The following FRMD5 variants were observed in gnomAD, a reference collection of about 807,000 sequenced individuals.
FRMD5 encodes FERM domain containing 5, also known as FERM domain-containing protein 5.
Under a neutral mutation model 69.0 loss-of-function variants are expected in FRMD5, and 20 were observed. That is an observed-to-expected ratio of 0.29 (90% confidence interval 0.20 to 0.42). FRMD5 has a LOEUF of 0.42. FRMD5 is among the 10% of genes least tolerant of loss of function. FRMD5 has a pLI of 1.00. For missense variants in FRMD5, 595 were observed against 708.6 expected (o/e 0.84, Z 1.82); for synonymous variants, 271 against 260.1 (o/e 1.04, Z -0.40).
intron 1 of FRMD5, among the ~76,000 whole-genome samples, chr15:43,996,573 T>G (rs921629389): frequency 1.3e-5 from 2 of 152,114 alleles, no homozygotes; most frequent in Admixed American, 6.6e-5. Flanking sequence ...TTTACATTGA[T>G]ATTTCTGTGA....
intron 1 of FRMD5, among the ~76,000 whole-genome samples, chr15:44,154,502 T>C (rs1480678835): frequency 6.6e-6 from 1 of 152,210 alleles, no homozygotes; most frequent in Admixed American, 6.5e-5. Context: ...TTTAATCCTA[T>C]GCAACAGTAT....
chr15:44,028,442 T>C (rs1472122281), intron 1 of FRMD5, among the ~76,000 whole-genome samples: 1 of 152,214 alleles, frequency 6.6e-6, no homozygotes, highest in Non-Finnish European at 1.5e-5. Context: ...AAGTGCCCAC[T>C]CCTTCTTCAT....
chr15:44,089,557 G>A (rs1478262301), intron 1 of FRMD5, among the ~76,000 whole-genome samples: 2 of 152,016 alleles, frequency 1.3e-5, no homozygotes, highest in African/African-American at 4.8e-5. Context: ...ACAAAAATTG[G>A]CCGGGCATGG....
chr15:44,162,319 C>T (rs1350988941), intron 1 of FRMD5, among the ~76,000 whole-genome samples: 1 of 145,710 alleles, frequency 6.9e-6, no homozygotes, highest in East Asian at 2.0e-4. Flanking sequence ...CCAGGCTGGT[C>T]TCAAACTCCT....
At chr15:43,875,789 G>A (rs1330093560) in intron 13 of FRMD5, 2 of 582,972 alleles carry the variant, frequency 3.4e-6, no homozygotes, top group African/African-American at 4.2e-5. Flanking sequence ...TCTTGCCTTT[G>A]GTGTCCTGGG....
At chr15:44,088,318 T>G (rs1047848771) in intron 1 of FRMD5, among the ~76,000 whole-genome samples, 1 of 152,144 alleles carries the variant, frequency 6.6e-6, no homozygotes, top group Non-Finnish European at 1.5e-5. Flanking sequence ...ATTAACTCTC[T>G]CCCCACCAGC....
chr15:43,966,445 TAA>T (rs1472298323), intron 1 of FRMD5, among the ~76,000 whole-genome samples: 1 of 152,064 alleles, frequency 6.6e-6, no homozygotes, highest in Non-Finnish European at 1.5e-5. Flanking sequence ...ACAATAGGGA[TAA>T]TTAACTGCTT....
At chr15:43,923,841 C>G (rs567901879) in intron 2 of FRMD5, among the ~76,000 whole-genome samples, 1 of 152,196 alleles carries the variant, frequency 6.6e-6, no homozygotes, top group Non-Finnish European at 1.5e-5. Context: ...TTTGGTGAGG[C>G]CTTTCCTAAC....
upstream of FRMD5, among the ~76,000 whole-genome samples, chr15:44,196,731 ATTCTCTCTCTCTCTCTCTCT>A (rs1270313526): frequency 5.8e-5 from 4 of 68,418 alleles, no homozygotes; most frequent in African/African-American, 2.2e-4. Flanking sequence ...ATTCTCTTTC[ATTCTCTCTCTCTCTCTCTCT>A]TTCTCTCTCT....
intron 1 of FRMD5, among the ~76,000 whole-genome samples, chr15:44,098,048 G>C (rs1327822423): frequency 6.9e-6 from 1 of 145,874 alleles, no homozygotes; most frequent in Non-Finnish European, 1.5e-5. Flanking sequence ...ATGTGCATCA[G>C]CAAGAGCCAA....
intron 1 of FRMD5, among the ~76,000 whole-genome samples, chr15:44,037,131 C>A (rs900509179): frequency 6.6e-6 from 1 of 152,082 alleles, no homozygotes; most frequent in Non-Finnish European, 1.5e-5. Context: ...TGCTATCCCT[C>A]CCCTAGCTCC....
At chr15:43,895,793 C>T (rs524908) in intron 7 of FRMD5, among the ~76,000 whole-genome samples, 1 of 151,898 alleles carries the variant, frequency 6.6e-6, no homozygotes, top group Admixed American at 6.6e-5. Context: ...GGAAGGGACT[C>T]GAATTACAGT....
At chr15:44,021,531 C>T (rs562779104) in intron 1 of FRMD5, among the ~76,000 whole-genome samples, 2 of 152,160 alleles carry the variant, frequency 1.3e-5, no homozygotes, top group East Asian at 1.9e-4. Context: ...ATACAAATTG[C>T]CAGCCAGTGA....
intron 1 of FRMD5, among the ~76,000 whole-genome samples, chr15:43,967,383 C>A (rs953243446): frequency 2.6e-5 from 4 of 151,968 alleles, no homozygotes; most frequent in African/African-American, 9.7e-5. Context: ...TAGGCATGTG[C>A]CACCACGCCT....
intron 4 of FRMD5, chr15:43,919,075 T>A: frequency 3.0e-6 from 1 of 330,424 alleles, no homozygotes; most frequent in African/African-American, 2.2e-5. Context: ...ATTTTCCAAG[T>A]ATATCCATTA....
intron 1 of FRMD5, among the ~76,000 whole-genome samples, chr15:44,120,054 T>C (rs1281224799): frequency 1.3e-5 from 2 of 152,082 alleles, no homozygotes; most frequent in African/African-American, 4.8e-5. Context: ...GACTGGAGCA[T>C]AGAACACCTG....
At chr15:44,151,928 G>A (rs1232165645) in intron 1 of FRMD5, among the ~76,000 whole-genome samples, 1 of 152,220 alleles carries the variant, frequency 6.6e-6, no homozygotes, top group Admixed American at 6.5e-5. Flanking sequence ...GCAAAGGCCA[G>A]GCCAGGCGCG....
intron 1 of FRMD5, among the ~76,000 whole-genome samples, chr15:44,174,077 T>C (rs1286865284): frequency 6.6e-6 from 1 of 152,116 alleles, no homozygotes; most frequent in Non-Finnish European, 1.5e-5. Context: ...CCTTTCACTA[T>C]ACCATTATTA....
chr15:44,072,186 T>A (rs2140416012), intron 1 of FRMD5, among the ~76,000 whole-genome samples: 1 of 152,250 alleles, frequency 6.6e-6, no homozygotes, highest in Middle Eastern at 3.4e-3. Flanking sequence ...AACTTTAAAA[T>A]TTTTCTTAAG....
Sources: allele counts gnomAD v4.1 joint callset (sites outside exome capture counted in the v4.1 genomes callset), GRCh38; gene constraint gnomAD v4.1.1; transcripts MANE v1.5; gene names NCBI Gene and HGNC (gene_info 2026-07-23, HGNC 2026-07-21).